The following NMT2 variants were observed in gnomAD, a reference collection of about 807,000 sequenced individuals.
NMT2 encodes N-myristoyltransferase 2, also known as glycylpeptide N-tetradecanoyltransferase 2.
NMT2 carries 35 observed loss-of-function variants against 65.4 expected under a neutral mutation model. That is an observed-to-expected ratio of 0.54 (90% CI 0.41 to 0.71). The LOEUF is 0.71. Among genes scored for constraint, NMT2 ranks in the 30% least tolerant of loss-of-function variants. The pLI is 0.00. For missense variants in NMT2, 489 were observed against 611.3 expected, an observed-to-expected ratio of 0.80 and a Z score of 2.11; for synonymous variants, 226 against 231.8, an observed-to-expected ratio of 0.98 and a Z score of 0.23.
At chr10:15,154,036 A>C (rs1832903949) in intron 1 of NMT2, among the ~76,000 whole-genome samples, 1 of 152,180 alleles carries the variant, frequency 6.6e-6, no homozygotes, top group Admixed American at 6.5e-5. Context: ...CAACACAAGC[A>C]CATTTATCTT....
At chr10:15,124,116 T>C (rs1846008496) in intron 8 of NMT2, among the ~76,000 whole-genome samples, 1 of 152,186 alleles carries the variant, frequency 6.6e-6, no homozygotes, top group African/African-American at 2.4e-5. Flanking sequence ...GCTAAGACCT[T>C]AGTGGATCAT....
intron 2 of NMT2, 101 bp downstream of exon 2, chr10:15,141,321 A>T: frequency 6.9e-7 from 1 of 1,441,892 alleles, no homozygotes. Flanking sequence ...ACACAGTCAC[A>T]ACAAAGTCCC....
intron 8 of NMT2, among the ~76,000 whole-genome samples, chr10:15,127,985 T>A (rs1846155008): frequency 1.3e-5 from 2 of 152,188 alleles, no homozygotes; most frequent in Admixed American, 1.3e-4. Context: ...TTCCACTCGC[T>A]GGGTCTCTCC....
chr10:15,143,540 T>C (rs748929303), intron 1 of NMT2, among the ~76,000 whole-genome samples: 1 of 152,150 alleles, frequency 6.6e-6, no homozygotes, highest in Non-Finnish European at 1.5e-5. Flanking sequence ...TGGATGAAAA[T>C]ATATTTGTCC....
intron 1 of NMT2, among the ~76,000 whole-genome samples, chr10:15,161,277 A>C (rs774033026): frequency 3.3e-5 from 5 of 152,016 alleles, no homozygotes; most frequent in Non-Finnish European, 5.9e-5. Flanking sequence ...CTCAAAATAC[A>C]TCATCCACGC....
rs953888874 is a variant in NMT2, at chr10:15,105,873, T to C, written c.*3322A>G. 2 of 213,994 alleles carry C rather than the reference T, an allele frequency of 9.3e-6. No individual in the cohort carries two copies. The highest frequency in any genetic ancestry group is 2.6e-5 in the African/African-American group (1 of 38,956). The allele number at this position is 213,994 out of a possible 1,614,324, so 13.3% of individuals were successfully genotyped here. ...TCAATTATGGAGGCAAATGTAGTTA[T>C]TATTCTATTTAAAAGTGGTTAATAA... On this transcript the variant is annotated 3_prime_UTR_variant, in exon 12 of 12. Coordinates refer to ENST00000378165, the MANE Select transcript of NMT2 (RefSeq NM_004808.3).
intron 8 of NMT2, among the ~76,000 whole-genome samples, chr10:15,127,978 C>T (rs1461052802): frequency 1.3e-5 from 2 of 152,044 alleles, no homozygotes; most frequent in Non-Finnish European, 2.9e-5. Flanking sequence ...ACATTATTTC[C>T]ACTCGCTGGG....
At chr10:15,126,995 G>T (rs1846092794) in intron 8 of NMT2, among the ~76,000 whole-genome samples, 1 of 152,190 alleles carries the variant, frequency 6.6e-6, no homozygotes, top group Non-Finnish European at 1.5e-5. Context: ...GACTTTGGGA[G>T]GCCAAGGCAG....
At chr10:15,127,898 C>T (rs4634977) in intron 8 of NMT2, among the ~76,000 whole-genome samples, 22 of 104,276 alleles carry the variant, frequency 2.1e-4, no homozygotes, top group African/African-American at 4.9e-4. Flanking sequence ...AGACTGTCTC[C>T]AAAAAAAAAA....
intron 8 of NMT2, among the ~76,000 whole-genome samples, chr10:15,124,801 T>C (rs1564566587): frequency 6.6e-6 from 1 of 152,344 alleles, no homozygotes; most frequent in Admixed American, 6.5e-5. Flanking sequence ...AATTTCATAA[T>C]ATCTGTACTT....
chr10:15,105,786 T>G lies in NMT2; in HGVS notation c.*3409A>C, dbSNP rs1049720039. On this transcript the variant is annotated 3_prime_UTR_variant, in exon 12 of 12. Coordinates refer to ENST00000378165, the MANE Select transcript of NMT2 (RefSeq NM_004808.3). ...AACTATCCATTGCATTTCAATTTAG[T>G]TTTAATAGCTACTTCATAAGCAAGC... Among the ~76,000 whole-genome samples, 1 of 152,182 alleles carries G rather than the reference T, an allele frequency of 6.6e-6. No individual in the cohort carries two copies. Among genetic ancestry groups the G allele is most frequent in the Non-Finnish European group, 1.5e-5 (1 of 68,034 alleles).
At position 15,133,043 on chromosome 10, in the gene NMT2, T is replaced by A; in HGVS notation, c.602+10A>T. ...GCCTATCCACGACATCTGTGATCGA[T>A]GAGACTTACCACAACAGGAACTCGG... is the stretch of plus-strand genomic sequence containing the variant. On this transcript the variant is annotated intron_variant, in intron 5 of 11. Coordinates refer to ENST00000378165, the MANE Select transcript of NMT2 (RefSeq NM_004808.3). 1.2e-6 allele frequency: 2 copies of A among 1,611,842 alleles called. No homozygotes were observed. Among genetic ancestry groups the A allele is most frequent in the African/African-American group, 2.7e-5 (2 of 75,002 alleles).
chr10:15,108,917 C>G lies in NMT2; in HGVS notation c.*278G>C, dbSNP rs1041770726. ...CTTTTCTAAGGGTGAAAAAATACCTCTTCAAGAGACAGGCAAAAATTTGAA... is the reference window on the plus strand; with the variant it reads ...CTTTTCTAAGGGTGAAAAAATACCTGTTCAAGAGACAGGCAAAAATTTGAA... On this transcript the variant is annotated 3_prime_UTR_variant, in exon 12 of 12. Coordinates refer to ENST00000378165, the MANE Select transcript of NMT2 (RefSeq NM_004808.3). 1.7e-6 allele frequency: 2 copies of G among 1,205,836 alleles called. No individual in the cohort carries two copies. The highest frequency in any genetic ancestry group is 2.1e-6 in the Non-Finnish European group (2 of 970,080). The allele number at this position is 1,205,836 out of a possible 1,614,324, so 74.7% of individuals were successfully genotyped here.
intron 7 of NMT2, among the ~76,000 whole-genome samples, chr10:15,128,981 A>G (rs1846186468): frequency 6.6e-6 from 1 of 152,194 alleles, no homozygotes; most frequent in Admixed American, 6.5e-5. Flanking sequence ...GCACTCCAGC[A>G]TGGGCAACAG....
At chr10:15,132,110 C>G (rs940839178) in intron 6 of NMT2, among the ~76,000 whole-genome samples, 7 of 152,098 alleles carry the variant, frequency 4.6e-5, no homozygotes, top group African/African-American at 9.7e-5. Flanking sequence ...AGTGATCTGC[C>G]AGCCTCGGCC....
intron 8 of NMT2, among the ~76,000 whole-genome samples, chr10:15,121,057 G>A (rs1353817188): frequency 1.3e-5 from 2 of 152,148 alleles, no homozygotes; most frequent in Admixed American, 1.3e-4. Flanking sequence ...GAACTGTTCA[G>A]GGGCCAGGGG....
At chr10:15,138,464 G>C in intron 2 of NMT2, 1 of 471,066 alleles carries the variant, frequency 2.1e-6, no homozygotes, top group Non-Finnish European at 4.4e-6. Context: ...GTGTGCATCA[G>C]GCAAGGTGAG....
chr10:15,132,033 T>C (rs1846303721), intron 6 of NMT2, among the ~76,000 whole-genome samples: 1 of 152,010 alleles, frequency 6.6e-6, no homozygotes, highest in South Asian at 2.1e-4. Flanking sequence ...GCTGGCTAAT[T>C]TTTGTATTTT....
At chr10:15,146,345 G>A (rs1846963569) in intron 1 of NMT2, among the ~76,000 whole-genome samples, 1 of 152,156 alleles carries the variant, frequency 6.6e-6, no homozygotes, top group African/African-American at 2.4e-5. Flanking sequence ...TTAATGGGAG[G>A]GCCAATGTAA....
Sources: gnomAD v4.1 joint callset for allele counts (sites outside exome capture counted in the v4.1 genomes callset) on GRCh38, gnomAD v4.1.1 for gene constraint, MANE v1.5 for transcripts, NCBI Gene and HGNC (gene_info 2026-07-23, HGNC 2026-07-21) for gene names.